The following ZNF286A variants were observed in gnomAD, a reference collection of about 807,000 sequenced individuals.
ZNF286A encodes the protein zinc finger protein 286A.
Under a neutral mutation model 49.3 loss-of-function variants are expected in ZNF286A, and 34 were observed. That is an observed-to-expected ratio of 0.69 (90% CI 0.52 to 0.92). The LOEUF (loss-of-function observed/expected upper bound fraction) is 0.92, where lower values mean the gene tolerates loss of function less well. Ranked by LOEUF, ZNF286A falls within the 40% of genes least tolerant of loss-of-function variation. ZNF286A has a pLI of 0.00. For missense variants in ZNF286A, 462 were observed against 600.2 expected, an observed-to-expected ratio of 0.77 and a Z score of 2.41; for synonymous variants, 155 against 200.4, an observed-to-expected ratio of 0.77 and a Z score of 1.91.
intron 5 of ZNF286A, chr17:15,708,572 A>C: frequency 9.9e-6 from 2 of 202,084 alleles, no homozygotes; most frequent in Non-Finnish European, 2.0e-5. Flanking sequence ...CAAATCAAGA[A>C]AATAGCCTTA....
intron 5 of ZNF286A, among the ~76,000 whole-genome samples, chr17:15,712,649 T>G (rs1049539468): frequency 6.6e-5 from 10 of 152,222 alleles, no homozygotes; most frequent in Non-Finnish European, 1.5e-4. Context: ...TAAGTATTTC[T>G]TCACTGTTAA....
rs1401588161 is a variant in ZNF286A at position 15,706,481 on chromosome 17, A to G, written c.221A>G (p.Tyr74Cys). 6.8e-6 allele frequency: 11 copies of G among 1,610,258 alleles called. No homozygotes were observed. The highest frequency in any genetic ancestry group is 1.7e-5 in the Admixed American group (1 of 59,402). ...PAQRDVMLEN[Y>C]RNLVSLWLPV... ...CAAAGGGATGTGATGCTGGAGAACT[A>G]TAGGAACCTAGTCTCACTTTGTAAG... The change falls in exon 4 of 6, where the codon TAT (tyrosine) becomes TGT (cysteine). Residue 74 changes from tyrosine to cysteine, a missense_variant. Physicochemically the swap from Tyr to Cys is radical, Grantham distance 194 (BLOSUM62 -2). Transcript: ENST00000583566.
intron 4 of ZNF286A, 99 bp from the exon 5 acceptor site, chr17:15,708,056 G>A (rs1990370433): frequency 3.1e-6 from 2 of 650,170 alleles, no homozygotes; most frequent in Non-Finnish European, 4.6e-6. Context: ...AATTCACTAA[G>A]GAATATGTAA....
At chr17:15,711,991 C>A (rs1043541916) in intron 5 of ZNF286A, among the ~76,000 whole-genome samples, 1 of 151,140 alleles carries the variant, frequency 6.6e-6, no homozygotes, top group African/African-American at 2.4e-5. Flanking sequence ...CCTGCCTCGG[C>A]CTCCTGAGTA....
chr17:15,715,435 T>C (rs1166118767), intron 5 of ZNF286A, among the ~76,000 whole-genome samples: 3 of 152,158 alleles, frequency 2.0e-5, no homozygotes, highest in African/African-American at 7.2e-5. Context: ...TGTTCAATCA[T>C]TTCTGTATAG....
At chr17:15,706,529 T>A in intron 4 of ZNF286A, 28 bp downstream of exon 4, 2 of 1,495,448 alleles carry the variant, frequency 1.3e-6, no homozygotes, top group Non-Finnish European at 1.8e-6. Context: ...TTCTGGAATC[T>A]GCTTATAGGA....
rs201458335 is a variant in ZNF286A, at chr17:15,704,066, A to ATTTT, written c.127-2311_127-2308dup. Reference sequence around the variant, plus strand: ...GAATAATTCTCTTATTATTATTATTATTTTTTTTTTTTTGCTTTTCCAACT... The same window carrying ATTTT: ...GAATAATTCTCTTATTATTATTATTATTTTTTTTTTTTTTTTTGCTTTTCCAACT... On this transcript the variant is annotated intron_variant, in intron 3 of 5. Transcript: ENST00000583566. 1.8e-3 allele frequency among the ~76,000 whole-genome samples: 258 copies of ATTTT among 144,160 alleles called. 1 individual carries two copies. Among genetic ancestry groups the ATTTT allele is most frequent in the African/African-American group, 5.7e-3 (226 of 39,376 alleles). The allele number at this position is 144,160 out of a possible 152,430, so 94.6% of individuals were successfully genotyped here. A position where few individuals can be genotyped will look rare whatever the true frequency, so the allele number is the denominator to read the frequency against.
At chr17:15,705,026 C>T in intron 3 of ZNF286A, 1 of 563,064 alleles carries the variant, frequency 1.8e-6, no homozygotes. Flanking sequence ...CCGCTCCGCT[C>T]CCCGCTGCCT....
At chr17:15,706,989 C>T (rs1268028571) in intron 4 of ZNF286A, among the ~76,000 whole-genome samples, 1 of 152,130 alleles carries the variant, frequency 6.6e-6, no homozygotes, top group African/African-American at 2.4e-5. Flanking sequence ...ATCAGTGAAA[C>T]AATCTCTAGA....
rs748283325 is a variant in ZNF286A at position 15,717,022 on chromosome 17, C to A, written c.1298C>A (p.Thr433Asn). The change falls in exon 6 of 6, where the codon ACT becomes AAT. Residue 433 changes from threonine to asparagine, a missense_variant. Physicochemically the swap from Thr to Asn is moderately conservative, Grantham distance 65. Coordinates refer to ENST00000583566, the MANE Select transcript of ZNF286A (RefSeq NM_001130842.2). ...CTTGTTCAACATCAGAGAATTCACA[C>A]TGGAGAGAAACCCTATGAGTGTAAT... ...THLVQHQRIH[T>N]GEKPYECNEC... The A allele has an allele frequency of 3.1e-6, 5 of 1,614,058 alleles. No individual in the cohort carries two copies. Among genetic ancestry groups the A allele is most frequent in the Non-Finnish European group, 4.2e-6 (5 of 1,180,018 alleles).
At chr17:15,708,419 C>T in intron 5 of ZNF286A, 172 bp downstream of exon 5, 1 of 446,170 alleles carries the variant, frequency 2.2e-6, no homozygotes, top group Non-Finnish European at 3.9e-6. Flanking sequence ...ATTCATGTAT[C>T]CATCACTGAG....
chr17:15,716,423 G>A lies in ZNF286A; in HGVS notation c.699G>A (p.Lys233=), dbSNP rs753801110. The change falls in exon 6 of 6, where the codon AAG becomes AAA. Residue 233 remains lysine (K), a synonymous_variant. Coordinates refer to ENST00000583566, the MANE Select transcript of ZNF286A (RefSeq NM_001130842.2). ...AACAAAAATCAAACTTAATGAAAAA[G>A]CAGAGAACTTATAAAGAGAAAAAAC... ...SLKQKSNLMK[K]QRTYKEKKPH... is the part of the protein sequence containing the mutation. The A allele has an allele frequency of 1.2e-6, 2 of 1,613,098 alleles. No homozygotes were observed. Among genetic ancestry groups the A allele is most frequent in the African/African-American group, 1.3e-5 (1 of 74,730 alleles).
In ZNF286A at chr17:15,717,086, T is replaced by G; in HGVS notation, c.1362T>G (p.Ala454=). Residue 454 remains alanine (A), a synonymous_variant, in exon 6 of 6, where the codon GCT becomes GCG. Transcript: ENST00000583566. ...CCTTCAGCCGGAGCTCCAATTTTGC[T>G]AAACATCAAAGAATTCATATTGGAA... The part of the protein sequence containing the change: ...GKTFSRSSNF[A]KHQRIHIGKK... 6.2e-7 allele frequency: 1 copy of G among 1,614,126 alleles called. No individual in the cohort carries two copies. The highest frequency in any genetic ancestry group is 8.5e-7 in the Non-Finnish European group (1 of 1,180,040).
chr17:15,704,634 G>A, intron 3 of ZNF286A: 5 of 1,613,970 alleles, frequency 3.1e-6, no homozygotes, highest in South Asian at 1.1e-5. Flanking sequence ...CGCCATTGGC[G>A]CCCACGTTCG....
intron 5 of ZNF286A, 49 bp downstream of exon 5, chr17:15,708,296 AT>A: frequency 6.9e-7 from 1 of 1,459,584 alleles, no homozygotes; most frequent in Non-Finnish European, 9.2e-7. Flanking sequence ...CAGCAGGACA[AT>A]GAAGAAATAC....
At position 15,718,328 on chromosome 17, in the gene ZNF286A, T is replaced by A. The variant is rs1967188466; in HGVS notation, c.*1038T>A. On this transcript the variant is annotated 3_prime_UTR_variant, in exon 6 of 6. Coordinates refer to ENST00000583566, the MANE Select transcript of ZNF286A (RefSeq NM_001130842.2). ...GAGTTCACGTGAAGTAGTGAATGGG[T>A]CAAAATCTTAACAGTGGTTGTTGAT... 1 of 149,136 alleles carries A rather than the reference T, an allele frequency of 6.7e-6. No individual in the cohort carries two copies. Among genetic ancestry groups the A allele is most frequent in the Non-Finnish European group, 1.5e-5 (1 of 67,412 alleles). 9.2% of individuals were successfully genotyped at this position (149,136 alleles called of 1,614,324 possible).
intron 3 of ZNF286A, chr17:15,704,361 G>T: frequency 5.0e-6 from 8 of 1,610,470 alleles, no homozygotes; most frequent in Non-Finnish European, 6.8e-6. Context: ...CCCCAGGGTC[G>T]GTGGAGGAAG....
intron 3 of ZNF286A, among the ~76,000 whole-genome samples, chr17:15,705,911 T>G (rs1990194469): frequency 6.6e-6 from 1 of 152,232 alleles, no homozygotes; most frequent in Non-Finnish European, 1.5e-5. Flanking sequence ...CTGGATTGGT[T>G]TTTTGCTGTC....
At chr17:15,713,022 A>G (rs529857640) in intron 5 of ZNF286A, among the ~76,000 whole-genome samples, 1 of 152,328 alleles carries the variant, frequency 6.6e-6, no homozygotes, top group South Asian at 2.1e-4. Flanking sequence ...TGTTTGATTT[A>G]TGTAGGTTAC....
Sources: allele counts gnomAD v4.1 joint callset (sites outside exome capture counted in the v4.1 genomes callset), GRCh38; gene constraint gnomAD v4.1.1; transcripts MANE v1.5; gene names NCBI Gene and HGNC (gene_info 2026-07-23, HGNC 2026-07-21).